The following CHD1L variants were observed in gnomAD, a reference collection of about 807,000 sequenced individuals.
CHD1L encodes the protein ATP-dependent chromatin remodeler CHD1L.
A neutral mutation model predicts 115.9 loss-of-function variants in CHD1L; 118 were observed. That is an observed-to-expected ratio of 1.02 (90% CI 0.88 to 1.19). The LOEUF is 1.19. Among genes scored for constraint, CHD1L ranks in the 50% most tolerant of loss-of-function variants. The probability of loss-of-function intolerance (pLI) is 0.00; values close to 1 mark genes in which losing one functional copy is unlikely to be tolerated. For missense variants in CHD1L, 1,179 were observed against 1,065.3 expected, an observed-to-expected ratio of 1.11 and a Z score of -1.49; for synonymous variants, 411 against 387.1, an observed-to-expected ratio of 1.06 and a Z score of -0.72.
the CHD1L span, chr1:147,213,409 A>G: frequency 6.2e-7 from 1 of 1,613,550 alleles, no homozygotes; most frequent in Non-Finnish European, 8.5e-7. Flanking sequence ...AGATTCAGTG[A>G]CCACTTCCCA....
At chr1:147,286,226 CAGT>C in intron 17 of CHD1L, 69 bp from the exon 18 acceptor site, 1 of 1,383,662 alleles carries the variant, frequency 7.2e-7, no homozygotes, top group South Asian at 1.3e-5. Context: ...TTGTGAACAG[CAGT>C]ATAAAATGTG....
the CHD1L span, chr1:147,187,170 C>G: frequency 6.2e-7 from 1 of 1,614,076 alleles, no homozygotes; most frequent in Non-Finnish European, 8.5e-7. Flanking sequence ...TGGGCCTGAC[C>G]CCCACCAAAT....
chr1:147,203,749 A>G, the CHD1L span: 3 of 1,531,428 alleles, frequency 2.0e-6, no homozygotes, highest in Non-Finnish European at 2.7e-6. Flanking sequence ...AAGTATTAAC[A>G]CCATCATCTA....
intron 14 of CHD1L, among the ~76,000 whole-genome samples, chr1:147,277,612 G>A (rs1679018345): frequency 6.6e-6 from 1 of 152,228 alleles, no homozygotes; most frequent in African/African-American, 2.4e-5. Context: ...TTGTGTTGCT[G>A]ACTGTGTCAC....
At chr1:147,228,021 T>TTA in the CHD1L span, among the ~76,000 whole-genome samples, 3 of 151,482 alleles carry the variant, frequency 2.0e-5, no homozygotes, top group African/African-American at 4.9e-5. Flanking sequence ...TTTTTTTTTT[T>TTA]ATCATACTTT....
At chr1:147,207,818 T>G in the CHD1L span, among the ~76,000 whole-genome samples, 11 of 152,160 alleles carry the variant, frequency 7.2e-5, no homozygotes, top group African/African-American at 2.2e-4. Context: ...ACCCATTCGC[T>G]CTGAAGTATG....
the CHD1L span, among the ~76,000 whole-genome samples, chr1:147,232,168 T>C: frequency 3.9e-5 from 6 of 152,188 alleles, no homozygotes; most frequent in South Asian, 2.1e-4. Context: ...CTGACAAGCA[T>C]TGGACTGTGA....
chr1:147,188,733 A>T, the CHD1L span, among the ~76,000 whole-genome samples: 1 of 151,120 alleles, frequency 6.6e-6, no homozygotes, highest in East Asian at 1.9e-4. Flanking sequence ...TAAAATAAAT[A>T]AATAAATAAA....
At chr1:147,204,371 C>T in the CHD1L span, 17 of 1,035,598 alleles carry the variant, frequency 1.6e-5, no homozygotes, top group South Asian at 1.4e-4. Context: ...AAAATAGATA[C>T]GCATGCCTGA....
the CHD1L span, chr1:147,178,823 A>C: frequency 1.2e-6 from 2 of 1,603,410 alleles, no homozygotes; most frequent in South Asian, 1.1e-5. Flanking sequence ...AAGTTTATCC[A>C]GGAAAACATT....
chr1:147,257,150 A>G (rs587713517), intron 5 of CHD1L, among the ~76,000 whole-genome samples: 1 of 152,344 alleles, frequency 6.6e-6, no homozygotes, highest in East Asian at 1.9e-4. Flanking sequence ...TGCAGATTAA[A>G]TAAGGGCTAG....
At chr1:147,206,790 C>A in the CHD1L span, among the ~76,000 whole-genome samples, 1 of 151,666 alleles carries the variant, frequency 6.6e-6, no homozygotes. Flanking sequence ...GGAAGCATAG[C>A]ATTAGGAGAT....
At chr1:147,226,279 A>G in the CHD1L span, among the ~76,000 whole-genome samples, 12 of 150,960 alleles carry the variant, frequency 7.9e-5, no homozygotes, top group Non-Finnish European at 1.6e-4. Context: ...CACAATCTGG[A>G]TCTAAGAATC....
chr1:147,256,222 A>G (rs955834211), intron 4 of CHD1L, among the ~76,000 whole-genome samples: 1 of 152,118 alleles, frequency 6.6e-6, no homozygotes, highest in Non-Finnish European at 1.5e-5. Flanking sequence ...GGCAGGGGAA[A>G]GGGTTTTGTG....
upstream of CHD1L, among the ~76,000 whole-genome samples, chr1:147,240,348 T>C (rs1470665088): frequency 6.6e-6 from 1 of 152,116 alleles, no homozygotes; most frequent in African/African-American, 2.4e-5. Flanking sequence ...TTGTTAAGAG[T>C]CCACTCCCTA....
the CHD1L span, chr1:147,190,109 T>G: frequency 2.8e-6 from 3 of 1,083,572 alleles, no homozygotes; most frequent in Non-Finnish European, 4.2e-6. Flanking sequence ...TTAAATACAG[T>G]ACAATATTTC....
intron 15 of CHD1L, among the ~76,000 whole-genome samples, chr1:147,282,935 T>A (rs916065969): frequency 1.3e-5 from 2 of 152,202 alleles, no homozygotes; most frequent in South Asian, 4.1e-4. Context: ...TAAATGATTC[T>A]CCTGGTAGGA....
chr1:147,284,511 T>A lies in CHD1L; in HGVS notation c.1854+12T>A, dbSNP rs1553964070. 1 of 1,556,822 alleles carries A rather than the reference T, an allele frequency of 6.4e-7. No homozygotes were observed. Among genetic ancestry groups the A allele is most frequent in the Non-Finnish European group, 8.6e-7 (1 of 1,159,928 alleles). ...GAAATAAAGGCAGTGTAAGAACTGT[T>A]AATTTATTTAAAAGTTGTTCTTCCA... On this transcript the variant is annotated intron_variant, in intron 16 of 22. Transcript: ENST00000369258.
At chr1:147,213,226 A>T in the CHD1L span, 1 of 1,148,780 alleles carries the variant, frequency 8.7e-7, no homozygotes, top group Non-Finnish European at 1.2e-6. Flanking sequence ...AGTAGGAATT[A>T]CTCAGACCAC....
Sources: gnomAD v4.1 joint callset for allele counts (sites outside exome capture counted in the v4.1 genomes callset) on GRCh38, gnomAD v4.1.1 for gene constraint, MANE v1.5 for transcripts, NCBI Gene and HGNC (gene_info 2026-07-23, HGNC 2026-07-21) for gene names.